TCF7L2: variants seen among roughly 807,000 people sequenced by gnomAD.
The protein encoded by TCF7L2 is transcription factor 7 like 2.
Under a neutral mutation model 77.9 loss-of-function variants are expected in TCF7L2, and 23 were observed. The observed-to-expected ratio is 0.30, with a 90% CI of 0.21 to 0.42. The LOEUF is 0.42. Among genes scored for constraint, TCF7L2 ranks in the 10% least tolerant of loss-of-function variants. TCF7L2 has a pLI of 1.00. For missense variants in TCF7L2, 654 were observed against 793.1 expected (o/e 0.82, Z 2.11); for synonymous variants, 413 against 340.2 (o/e 1.21, Z -2.36).
chr10:112,974,895 T>C (rs1260377014), intron 4 of TCF7L2, among the ~76,000 whole-genome samples: 2 of 152,224 alleles, frequency 1.3e-5, no homozygotes, highest in Non-Finnish European at 2.9e-5. Context: ...TCAGGCTTAG[T>C]AGTTAATTTG....
intron 5 of TCF7L2, among the ~76,000 whole-genome samples, chr10:113,056,912 G>C (rs185156730): frequency 6.6e-6 from 1 of 152,130 alleles, no homozygotes; most frequent in Non-Finnish European, 1.5e-5. Context: ...TCTACAGAGC[G>C]GTCTCATCCA....
chr10:113,150,919 TC>T (rs2137120854), intron 8 of TCF7L2, 78 bp from the exon 9 acceptor site: 32 of 1,558,508 alleles, frequency 2.1e-5, no homozygotes, highest in Admixed American at 6.1e-5. Context: ...TTTTTTTTTT[TC>T]TTTTTAATTG....
chr10:113,055,102 A>G (rs2055156621), intron 5 of TCF7L2, among the ~76,000 whole-genome samples: 1 of 152,214 alleles, frequency 6.6e-6, no homozygotes, highest in Non-Finnish European at 1.5e-5. Context: ...AGGTACCTAT[A>G]TATGAGTTTC....
rs183314849 is a variant in TCF7L2 at position 113,070,910 on chromosome 10, A to G, written c.552+30784A>G. The stretch of plus-strand genomic sequence containing the variant: ...GAACATTTTCATCACCTTCCACAAA[A>G]CCCCCGTGTCTCCTAGTAGCCACTC... On this transcript the variant is annotated intron_variant, in intron 5 of 13. Transcript: ENST00000627217. Among the ~76,000 whole-genome samples, 373 of 151,252 alleles carry G rather than the reference A, an allele frequency of 2.5e-3. 3 individuals are homozygous for G. Among genetic ancestry groups the G allele is most frequent in the Non-Finnish European group, 1.7e-3 (115 of 67,770 alleles).
intron 3 of TCF7L2, among the ~76,000 whole-genome samples, chr10:112,956,733 C>T (rs1241690220): frequency 1.3e-5 from 2 of 152,114 alleles, no homozygotes; most frequent in African/African-American, 2.4e-5. Context: ...TGCTGGCAAG[C>T]GCACCACCAG....
At chr10:113,123,817 G>A (rs891489384) in intron 5 of TCF7L2, among the ~76,000 whole-genome samples, 2 of 152,158 alleles carry the variant, frequency 1.3e-5, no homozygotes, top group Admixed American at 6.6e-5. Context: ...GTGAACAAAT[G>A]GGATTCTTTA....
intron 4 of TCF7L2, among the ~76,000 whole-genome samples, chr10:112,974,201 T>C (rs982822060): frequency 1.4e-4 from 21 of 152,228 alleles, no homozygotes; most frequent in Non-Finnish European, 2.1e-4. Flanking sequence ...TTATATCTGT[T>C]TTAATTATAT....
intron 5 of TCF7L2, among the ~76,000 whole-genome samples, chr10:113,079,431 T>A (rs918207933): frequency 2.6e-5 from 4 of 152,172 alleles, no homozygotes; most frequent in African/African-American, 9.6e-5. Flanking sequence ...CAGGGCTGTT[T>A]TTGGCATTTT....
chr10:113,094,808 A>G (rs769098198), intron 5 of TCF7L2, among the ~76,000 whole-genome samples: 1 of 152,160 alleles, frequency 6.6e-6, no homozygotes, highest in Non-Finnish European at 1.5e-5. Context: ...GCCCCAATGA[A>G]CTCAGACTGT....
chr10:113,024,308 A>C (rs1406839421), intron 4 of TCF7L2, among the ~76,000 whole-genome samples: 3 of 151,984 alleles, frequency 2.0e-5, no homozygotes, highest in Non-Finnish European at 4.4e-5. Context: ...ACAACAAAAC[A>C]AAACAAACAA....
chr10:113,119,094 T>C (rs933749905), intron 5 of TCF7L2, among the ~76,000 whole-genome samples: 9 of 152,184 alleles, frequency 5.9e-5, no homozygotes, highest in Non-Finnish European at 1.3e-4. Flanking sequence ...CGGAAGTTAA[T>C]AAGATTGACT....
At chr10:113,077,907 TG>T (rs2058892938) in intron 5 of TCF7L2, among the ~76,000 whole-genome samples, 1 of 145,938 alleles carries the variant, frequency 6.9e-6, no homozygotes, top group African/African-American at 2.6e-5. Context: ...ATTTATTTAT[TG>T]TATTTTTAGT....
chr10:113,160,674 A>G lies in TCF7L2; in HGVS notation c.1374A>G (p.Leu458=), dbSNP rs370089627. The G allele has an allele frequency of 7.5e-6, 12 of 1,595,076 alleles. No individual in the cohort carries two copies. In the South Asian group the frequency reaches 8.0e-5, roughly 11 times the overall value. Residue 458 remains leucine, a synonymous_variant, in exon 13 of 14, where the codon TTA becomes TTG. Coordinates refer to ENST00000627217, the MANE Select transcript of TCF7L2 (RefSeq NM_001146274.2). ...TGTTCGGGCTTGACCGACAGACTTT[A>G]TGGTGCAAACCGTGCAGGTATATTA... is the stretch of plus-strand genomic sequence containing the variant.
At chr10:113,081,774 T>C (rs1222613456) in intron 5 of TCF7L2, among the ~76,000 whole-genome samples, 1 of 152,192 alleles carries the variant, frequency 6.6e-6, no homozygotes, top group Non-Finnish European at 1.5e-5. Flanking sequence ...CGAAATTAGA[T>C]GTGCCTTCAA....
At chr10:113,020,430 T>G (rs995078027) in intron 4 of TCF7L2, among the ~76,000 whole-genome samples, 1 of 152,142 alleles carries the variant, frequency 6.6e-6, no homozygotes, top group African/African-American at 2.4e-5. Flanking sequence ...ATGAGCATCC[T>G]GCAGAGCTCG....
intron 4 of TCF7L2, among the ~76,000 whole-genome samples, chr10:113,006,802 C>T (rs549850972): frequency 2.0e-5 from 3 of 152,312 alleles, no homozygotes; most frequent in African/African-American, 7.2e-5. Context: ...GGGGCAAAGC[C>T]CAGGACAGGG....
At chr10:113,063,420 T>C (rs1040079820) in intron 5 of TCF7L2, among the ~76,000 whole-genome samples, 16 of 152,152 alleles carry the variant, frequency 1.1e-4, no homozygotes, top group African/African-American at 3.9e-4. Context: ...TCTTAAACAA[T>C]GAAGTCATGG....
intron 5 of TCF7L2, among the ~76,000 whole-genome samples, chr10:113,076,199 TTGATCATAGCTCA>T (rs2058680577): frequency 6.6e-6 from 1 of 151,264 alleles, no homozygotes; most frequent in Non-Finnish European, 1.5e-5. Context: ...ATATACTGAC[TTGATCATAGCTCA>T]CTGCAACCTT....
rs34181424 is a variant in TCF7L2, at chr10:113,070,269, TTA to T, written c.552+30163_552+30164del. Among the ~76,000 whole-genome samples, 779 of 124,110 alleles carry T rather than the reference TTA, an allele frequency of 6.3e-3. 12 individuals carry two copies. Among genetic ancestry groups the T allele is most frequent in the East Asian group, 0.02 (81 of 3,968 alleles). The allele number at this position is 124,110 out of a possible 152,430, so 81.4% of individuals were successfully genotyped here. ...GACTCCGTCTTAAAAAAAAAAAAATTTATATATATATATATATATATGAATTA... is the reference window on the plus strand; with the variant it reads ...GACTCCGTCTTAAAAAAAAAAAAATTTATATATATATATATATATGAATTA... On this transcript the variant is annotated intron_variant, in intron 5 of 13. Coordinates refer to ENST00000627217, the MANE Select transcript of TCF7L2 (RefSeq NM_001146274.2).
Sources: gnomAD v4.1 joint callset for allele counts (sites outside exome capture counted in the v4.1 genomes callset) on GRCh38, gnomAD v4.1.1 for gene constraint, MANE v1.5 for transcripts, NCBI Gene and HGNC (gene_info 2026-07-23, HGNC 2026-07-21) for gene names.